The following RABGAP1L variants were observed in gnomAD, a reference collection of about 807,000 sequenced individuals.
RABGAP1L encodes rab GTPase-activating protein 1-like.
Under a neutral mutation model 137.7 loss-of-function variants are expected in RABGAP1L, and 63 were observed. The observed-to-expected ratio is 0.46, with a 90% confidence interval of 0.37 to 0.56. The LOEUF (loss-of-function observed/expected upper bound fraction) is 0.56, where lower values mean the gene tolerates loss of function less well. Among genes scored for constraint, RABGAP1L ranks in the 20% least tolerant of loss-of-function variants. The probability of loss-of-function intolerance (pLI) is 0.00; values close to 1 mark genes in which losing one functional copy is unlikely to be tolerated. For missense variants in RABGAP1L, 1,095 were observed against 1,244.0 expected (o/e 0.88, Z 1.80); for synonymous variants, 431 against 433.7 (o/e 0.99, Z 0.08).
chr1:174,975,997 G>A (rs1212114679), intron 21 of RABGAP1L, 81 bp from the exon 22 acceptor site: 21 of 1,272,206 alleles, frequency 1.7e-5, no homozygotes, highest in Non-Finnish European at 2.1e-5. Context: ...ACTGAAGATT[G>A]GGTTTGGAGA....
intron 13 of RABGAP1L, among the ~76,000 whole-genome samples, chr1:174,436,782 C>G (rs1280929586): frequency 2.0e-5 from 3 of 152,110 alleles, no homozygotes; most frequent in Non-Finnish European, 4.4e-5. Context: ...CAAGTGGGTC[C>G]CTGACCCCTG....
chr1:174,393,960 G>T, intron 12 of RABGAP1L, 35 bp from the exon 13 acceptor site: 1 of 1,601,830 alleles, frequency 6.2e-7, no homozygotes, highest in South Asian at 1.1e-5. Flanking sequence ...GAGTTGTAAA[G>T]GAAGTGTGAA....
rs771715379 is a variant in RABGAP1L at position 174,832,101 on chromosome 1, T to C, written c.2340+20141T>C. Among the ~76,000 whole-genome samples, 12 of 147,344 alleles carry C rather than the reference T, an allele frequency of 8.1e-5. 1 individual carries two copies. Among genetic ancestry groups the C allele is most frequent in the Non-Finnish European group, 1.2e-4 (8 of 66,408 alleles). ...TGAGGCCAGGAGTTCGAGACTAGCCTGGCCATCATAGTGAAACCCTGTCTC... is the reference window on the plus strand; with the variant it reads ...TGAGGCCAGGAGTTCGAGACTAGCCCGGCCATCATAGTGAAACCCTGTCTC... On this transcript the variant is annotated intron_variant, in intron 19 of 25. Transcript: ENST00000681986.
At chr1:174,260,796 C>G (rs574538256) in intron 7 of RABGAP1L, among the ~76,000 whole-genome samples, 1 of 152,220 alleles carries the variant, frequency 6.6e-6, no homozygotes, top group South Asian at 2.1e-4. Context: ...AGCACTATTA[C>G]TTAGCACCTA....
chr1:174,178,245 G>T (rs980811897), intron 1 of RABGAP1L, among the ~76,000 whole-genome samples: 4 of 152,128 alleles, frequency 2.6e-5, no homozygotes, highest in African/African-American at 9.7e-5. Context: ...TGTAGCAATT[G>T]TGAATGGCCT....
chr1:174,463,003 C>G (rs931737015), intron 13 of RABGAP1L, among the ~76,000 whole-genome samples: 1 of 152,100 alleles, frequency 6.6e-6, no homozygotes, highest in East Asian at 1.9e-4. Context: ...ATTAAAAAGT[C>G]AGGAAACAAT....
At chr1:174,173,388 C>T (rs1165988658) in intron 1 of RABGAP1L, among the ~76,000 whole-genome samples, 1 of 152,088 alleles carries the variant, frequency 6.6e-6, no homozygotes, top group African/African-American at 2.4e-5. Flanking sequence ...CCTCAGCCTC[C>T]CAAAGTGCTG....
At chr1:174,902,633 A>T (rs1159889615) in intron 19 of RABGAP1L, among the ~76,000 whole-genome samples, 1 of 152,228 alleles carries the variant, frequency 6.6e-6, no homozygotes, top group Non-Finnish European at 1.5e-5. Flanking sequence ...GCATGGTCTC[A>T]TGAGGGGACT....
At chr1:174,695,711 G>T (rs332773) in intron 15 of RABGAP1L, among the ~76,000 whole-genome samples, 4 of 151,972 alleles carry the variant, frequency 2.6e-5, no homozygotes, top group South Asian at 2.1e-4. Context: ...ATTTATTCCA[G>T]TCTTCATAGT....
intron 19 of RABGAP1L, among the ~76,000 whole-genome samples, chr1:174,855,410 C>T (rs1053616722): frequency 1.3e-5 from 2 of 152,154 alleles, no homozygotes; most frequent in Non-Finnish European, 2.9e-5. Context: ...ATAACTGTAT[C>T]CTAGACATAA....
At chr1:174,929,315 A>G (rs10912853) in intron 19 of RABGAP1L, among the ~76,000 whole-genome samples, 56,470 of 152,038 alleles carry the variant, frequency 0.37, 13,820 homozygotes, top group African/African-American at 0.7. Flanking sequence ...TGCTGGAAGG[A>G]AATTGTCTGA....
chr1:174,534,188 A>G (rs1158074334), intron 13 of RABGAP1L, among the ~76,000 whole-genome samples: 3 of 145,080 alleles, frequency 2.1e-5, no homozygotes, highest in African/African-American at 2.6e-5. Flanking sequence ...GTGTGTCCCT[A>G]AACAATATTT....
chr1:174,262,599 C>A (rs373968612), intron 7 of RABGAP1L, among the ~76,000 whole-genome samples: 1 of 152,164 alleles, frequency 6.6e-6, no homozygotes, highest in African/African-American at 2.4e-5. Flanking sequence ...GGCATTGGTA[C>A]AATTTGCAGA....
At chr1:174,510,485 T>C (rs1662230560) in intron 13 of RABGAP1L, among the ~76,000 whole-genome samples, 1 of 152,198 alleles carries the variant, frequency 6.6e-6, no homozygotes, top group Non-Finnish European at 1.5e-5. Flanking sequence ...GCAAGAGTCC[T>C]GTATCTTCTC....
At position 174,889,031 on chromosome 1, in the gene RABGAP1L, T is replaced by C. The variant is rs574625040; in HGVS notation, c.2341-68426T>C. 7.2e-5 allele frequency among the ~76,000 whole-genome samples: 11 copies of C among 152,360 alleles called. 1 individual carries two copies. In the South Asian group the frequency reaches 1.5e-3, roughly 20 times the overall value. On this transcript the variant is annotated intron_variant, in intron 19 of 25. Transcript: ENST00000681986. Reference sequence around the variant, plus strand: ...CTTAGACCCATATACTAAGTTCTTATGATTGTGGAATCAGGTTAGAGTCTA... The same window carrying C: ...CTTAGACCCATATACTAAGTTCTTACGATTGTGGAATCAGGTTAGAGTCTA...
intron 11 of RABGAP1L, among the ~76,000 whole-genome samples, chr1:174,325,704 T>C (rs1418451183): frequency 2.0e-5 from 3 of 152,230 alleles, no homozygotes; most frequent in South Asian, 2.1e-4. Flanking sequence ...CACTGGCCCA[T>C]TGGGAGCAAC....
chr1:174,326,173 A>G (rs1004122564), intron 11 of RABGAP1L, among the ~76,000 whole-genome samples: 2 of 152,216 alleles, frequency 1.3e-5, no homozygotes, highest in African/African-American at 4.8e-5. Context: ...AATAATAGGA[A>G]TATACTAGGA....
intron 10 of RABGAP1L, among the ~76,000 whole-genome samples, chr1:174,291,740 T>C (rs1439684877): frequency 6.6e-6 from 1 of 152,082 alleles, no homozygotes. Context: ...GCACAAAATA[T>C]TGACCTATTT....
intron 17 of RABGAP1L, among the ~76,000 whole-genome samples, chr1:174,729,652 T>C (rs1436927835): frequency 6.6e-6 from 1 of 152,040 alleles, no homozygotes; most frequent in Non-Finnish European, 1.5e-5. Flanking sequence ...ATTTAAAAAA[T>C]GGACAAAGGA....
Sources: allele counts gnomAD v4.1 joint callset (sites outside exome capture counted in the v4.1 genomes callset), GRCh38; gene constraint gnomAD v4.1.1; transcripts MANE v1.5; gene names NCBI Gene and HGNC (gene_info 2026-07-23, HGNC 2026-07-21).